Variants in SPATA16 observed in about 807,000 individuals in gnomAD.
SPATA16 encodes the protein spermatogenesis-associated protein 16.
SPATA16 carries 36 observed loss-of-function variants against 63.3 expected under a neutral mutation model. The ratio of observed to expected loss-of-function variants is 0.57; its 90% CI spans 0.44 to 0.75. The LOEUF is 0.75. Among genes scored for constraint, SPATA16 ranks in the 30% least tolerant of loss-of-function variants. The pLI is 0.00. For synonymous variants in SPATA16, 203 were observed against 216.7 expected, an observed-to-expected ratio of 0.94 and a Z score of 0.56; for missense variants, 646 against 679.3, an observed-to-expected ratio of 0.95 and a Z score of 0.54.
At chr3:172,916,537 C>T (rs1331425659) in intron 8 of SPATA16, 56 bp from the exon 9 acceptor site, 6 of 1,589,208 alleles carry the variant, frequency 3.8e-6, no homozygotes, top group Non-Finnish European at 5.2e-6. Context: ...TAGACCTCTC[C>T]CCAGGGCTGG....
chr3:173,107,195 A>G (rs1737640157), intron 2 of SPATA16, among the ~76,000 whole-genome samples: 1 of 152,174 alleles, frequency 6.6e-6, no homozygotes, highest in South Asian at 2.1e-4. Flanking sequence ...TTACAGTGAC[A>G]TTGTAGTGAC....
intron 4 of SPATA16, among the ~76,000 whole-genome samples, chr3:172,978,674 G>A (rs895431677): frequency 1.3e-5 from 2 of 152,154 alleles, no homozygotes; most frequent in African/African-American, 4.8e-5. Context: ...TGCTTAAGAA[G>A]TATACCAGCC....
intron 4 of SPATA16, among the ~76,000 whole-genome samples, chr3:173,014,507 G>A (rs1178507488): frequency 6.6e-6 from 1 of 152,182 alleles, no homozygotes. Flanking sequence ...CTGGGTAACA[G>A]GGCCATTTGC....
intron 4 of SPATA16, among the ~76,000 whole-genome samples, chr3:173,003,406 C>A (rs1345923182): frequency 6.6e-6 from 1 of 152,126 alleles, no homozygotes; most frequent in African/African-American, 2.4e-5. Flanking sequence ...ATAATTCTAA[C>A]AATACCCTTA....
intron 3 of SPATA16, among the ~76,000 whole-genome samples, chr3:173,045,541 C>T (rs1044039497): frequency 2.6e-5 from 4 of 152,052 alleles, no homozygotes; most frequent in Admixed American, 6.6e-5. Context: ...TGAAATAGTA[C>T]TTGTGAAGTA....
chr3:172,962,579 T>A (rs1352184407), intron 5 of SPATA16, among the ~76,000 whole-genome samples: 2 of 152,180 alleles, frequency 1.3e-5, no homozygotes, highest in Admixed American at 1.3e-4. Flanking sequence ...TTTAAAGAGA[T>A]GAAACAACAA....
intron 3 of SPATA16, among the ~76,000 whole-genome samples, chr3:173,028,653 A>T (rs535175185): frequency 1.3e-5 from 2 of 152,178 alleles, no homozygotes; most frequent in African/African-American, 4.8e-5. Context: ...GTTTGATCAT[A>T]TGGAAAAAAT....
At chr3:172,950,974 A>G (rs1173795643) in intron 6 of SPATA16, among the ~76,000 whole-genome samples, 7 of 152,100 alleles carry the variant, frequency 4.6e-5, no homozygotes, top group Admixed American at 1.3e-4. Flanking sequence ...GTATTACTTT[A>G]TTATTATTAA....
chr3:173,011,733 G>C (rs1359648815), intron 4 of SPATA16, among the ~76,000 whole-genome samples: 3 of 152,156 alleles, frequency 2.0e-5, no homozygotes, highest in African/African-American at 7.2e-5. Flanking sequence ...ACTGATAAAT[G>C]ACTTCAGTAA....
At chr3:172,951,821 T>G (rs975385877) in intron 6 of SPATA16, among the ~76,000 whole-genome samples, 1 of 152,174 alleles carries the variant, frequency 6.6e-6, no homozygotes, top group Non-Finnish European at 1.5e-5. Context: ...CTCCACTGGG[T>G]GAATTAAATA....
intron 2 of SPATA16, among the ~76,000 whole-genome samples, chr3:173,088,060 T>TTCTTTCTTTCTG (rs1737116508): frequency 7.5e-6 from 1 of 133,296 alleles, no homozygotes; most frequent in Admixed American, 7.5e-5. Context: ...CTTTCTTTCT[T>TTCTTTCTTTCTG]TCTTTCTTTC....
intron 4 of SPATA16, among the ~76,000 whole-genome samples, chr3:173,006,955 G>T (rs965597550): frequency 6.6e-6 from 1 of 152,106 alleles, no homozygotes; most frequent in Non-Finnish European, 1.5e-5. Flanking sequence ...GTTCAAAAAT[G>T]AATACTTTAA....
chr3:173,076,997 T>C (rs892799498), intron 2 of SPATA16, among the ~76,000 whole-genome samples: 9 of 152,154 alleles, frequency 5.9e-5, no homozygotes, highest in African/African-American at 9.7e-5. Context: ...AGCTTTGGAA[T>C]TGATCTAACA....
At chr3:172,939,904 C>T (rs144541454) in intron 6 of SPATA16, among the ~76,000 whole-genome samples, 190 of 152,314 alleles carry the variant, frequency 1.2e-3, no homozygotes, top group African/African-American at 4.5e-3. Context: ...GCCTCCCCCA[C>T]CTCTGGAGAG....
At chr3:173,022,761 C>CA (rs987916640) in intron 3 of SPATA16, among the ~76,000 whole-genome samples, 2 of 150,580 alleles carry the variant, frequency 1.3e-5, no homozygotes, top group Non-Finnish European at 3.0e-5. Flanking sequence ...AAAAAAACTA[C>CA]AATTGTAATC....
intron 2 of SPATA16, among the ~76,000 whole-genome samples, chr3:173,059,778 C>T (rs192443266): frequency 4.8e-5 from 7 of 146,814 alleles, no homozygotes; most frequent in African/African-American, 1.7e-4. Flanking sequence ...CATTTCTTTT[C>T]CCATCCCACA....
chr3:173,056,472 G>T (rs897284455), intron 2 of SPATA16, among the ~76,000 whole-genome samples: 1 of 152,096 alleles, frequency 6.6e-6, no homozygotes, highest in Non-Finnish European at 1.5e-5. Context: ...GGAGGCCGAG[G>T]CGGGTGGATC....
intron 4 of SPATA16, among the ~76,000 whole-genome samples, chr3:172,982,695 ACCAGTTTTATTTT>A (rs1346566165): frequency 2.6e-5 from 4 of 152,216 alleles, no homozygotes; most frequent in Admixed American, 6.5e-5. Context: ...TCAAATAGGT[ACCAGTTTTATTTT>A]CCAGTTTTAT....
At chr3:172,989,758 T>C (rs549859321) in intron 4 of SPATA16, among the ~76,000 whole-genome samples, 23 of 152,322 alleles carry the variant, frequency 1.5e-4, no homozygotes, top group African/African-American at 5.3e-4. Context: ...CACTGATAGT[T>C]TGGAAAATAA....
Sources: allele counts gnomAD v4.1 joint callset (sites outside exome capture counted in the v4.1 genomes callset), GRCh38; gene constraint gnomAD v4.1.1; transcripts MANE v1.5; gene names NCBI Gene and HGNC (gene_info 2026-07-23, HGNC 2026-07-21).